Variants in SOX5 observed in about 807,000 individuals in gnomAD.
SOX5 encodes the protein SRY-box transcription factor 5, also known as transcription factor SOX-5.
SOX5 carries 9 observed loss-of-function variants against 92.0 expected under a neutral mutation model. That is an observed-to-expected ratio of 0.10 (90% CI 0.06 to 0.17). SOX5 has a LOEUF of 0.17. Among genes scored for constraint, SOX5 ranks in the 10% least tolerant of loss-of-function variants. SOX5 has a pLI of 1.00. For synonymous variants in SOX5, 344 were observed against 336.3 expected, an observed-to-expected ratio of 1.02 and a Z score of -0.25; for missense variants, 642 against 944.5, an observed-to-expected ratio of 0.68 and a Z score of 4.20.
At chr12:24,153,308 G>A (rs1311313899) in intron 4 of SOX5, among the ~76,000 whole-genome samples, 1 of 152,150 alleles carries the variant, frequency 6.6e-6, no homozygotes, top group African/African-American at 2.4e-5. Context: ...CATTCTGGGA[G>A]AAGGAGGGGG....
chr12:23,922,408 C>T (rs556627933), intron 1 of SOX5, among the ~76,000 whole-genome samples: 122 of 152,234 alleles, frequency 8.0e-4, no homozygotes, highest in African/African-American at 2.7e-3. Context: ...TATTTTTCTC[C>T]TTTAAATTTA....
intron 4 of SOX5, among the ~76,000 whole-genome samples, chr12:23,960,523 A>ACATATATATT (rs1383553004): frequency 2.9e-5 from 2 of 69,464 alleles, no homozygotes; most frequent in African/African-American, 7.6e-5. Context: ...ACATATATAT[A>ACATATATATT]TATATACATA....
At chr12:24,443,457 T>A (rs7297742) in intron 1 of SOX5, among the ~76,000 whole-genome samples, 8 of 152,026 alleles carry the variant, frequency 5.3e-5, no homozygotes, top group African/African-American at 1.9e-4. Context: ...AAACATAAAC[T>A]GTTCAGCATA....
chr12:23,807,616 T>C (rs1400913893), intron 3 of SOX5, among the ~76,000 whole-genome samples: 3 of 151,442 alleles, frequency 2.0e-5, no homozygotes, highest in Admixed American at 6.6e-5. Context: ...TTCTAGACTC[T>C]AGAACTGTGA....
At chr12:24,324,487 CT>C (rs796197266) in intron 2 of SOX5, among the ~76,000 whole-genome samples, 389 of 146,972 alleles carry the variant, frequency 2.6e-3, no homozygotes, top group Middle Eastern at 3.5e-3. Flanking sequence ...ACATTTATTC[CT>C]TTTTTTTTTT....
chr12:23,561,568 G>A (rs1365852601), intron 11 of SOX5, among the ~76,000 whole-genome samples: 1 of 152,118 alleles, frequency 6.6e-6, no homozygotes, highest in African/African-American at 2.4e-5. Context: ...TGACTGATCT[G>A]TAACCACAGC....
intron 11 of SOX5, among the ~76,000 whole-genome samples, 178 bp from the exon 12 acceptor site, chr12:23,546,602 T>C (rs1053569497): frequency 6.6e-6 from 1 of 152,168 alleles, no homozygotes; most frequent in Non-Finnish European, 1.5e-5. Context: ...AGCACGATTT[T>C]TGAAGGAACT....
At chr12:24,522,310 A>C (rs1297404214) in intron 1 of SOX5, among the ~76,000 whole-genome samples, 1 of 152,174 alleles carries the variant, frequency 6.6e-6, no homozygotes, top group Middle Eastern at 3.4e-3. Context: ...CTAGGATCTG[A>C]CGGTTTCACT....
At chr12:24,371,811 A>G (rs993152212) in intron 1 of SOX5, among the ~76,000 whole-genome samples, 1 of 152,274 alleles carries the variant, frequency 6.6e-6, no homozygotes, top group Non-Finnish European at 1.5e-5. Context: ...AACATGATGA[A>G]ACCTCATCTC....
chr12:24,437,204 G>A (rs1939607760), intron 1 of SOX5, among the ~76,000 whole-genome samples: 1 of 152,012 alleles, frequency 6.6e-6, no homozygotes, highest in South Asian at 2.1e-4. Context: ...AATATATTTT[G>A]TAATAAGCAA....
At chr12:24,216,674 G>A (rs1465363669) in intron 3 of SOX5, among the ~76,000 whole-genome samples, 5 of 152,146 alleles carry the variant, frequency 3.3e-5, no homozygotes, top group African/African-American at 1.2e-4. Flanking sequence ...TGTAATCCCA[G>A]CACTTTGGGA....
chr12:24,418,699 A>C (rs1345423124), intron 1 of SOX5, among the ~76,000 whole-genome samples: 2 of 152,220 alleles, frequency 1.3e-5, no homozygotes, highest in African/African-American at 4.8e-5. Flanking sequence ...GTTATGTGAA[A>C]TATTACCTTT....
chr12:24,016,187 C>T (rs1420669860), intron 4 of SOX5, among the ~76,000 whole-genome samples: 1 of 152,082 alleles, frequency 6.6e-6, no homozygotes, highest in East Asian at 1.9e-4. Flanking sequence ...AGGTACCTAC[C>T]CTCGTGCCTT....
chr12:23,876,986 G>A (rs1040535185), intron 2 of SOX5, among the ~76,000 whole-genome samples: 1 of 152,010 alleles, frequency 6.6e-6, no homozygotes, highest in Non-Finnish European at 1.5e-5. Context: ...ACACACTGGG[G>A]CCTTTTGGGG....
chr12:24,320,397 C>T (rs562078001), intron 2 of SOX5, among the ~76,000 whole-genome samples: 1 of 152,292 alleles, frequency 6.6e-6, no homozygotes, highest in African/African-American at 2.4e-5. Flanking sequence ...GTAACGATGT[C>T]ACACTAAATT....
intron 4 of SOX5, among the ~76,000 whole-genome samples, chr12:24,055,914 C>T (rs762195095): frequency 6.6e-6 from 1 of 152,166 alleles, no homozygotes; most frequent in Non-Finnish European, 1.5e-5. Flanking sequence ...GCCTACATTA[C>T]TTATCAATTA....
intron 6 of SOX5, among the ~76,000 whole-genome samples, chr12:23,706,859 T>C (rs561101059): frequency 4.4e-4 from 67 of 152,186 alleles, no homozygotes; most frequent in African/African-American, 1.6e-3. Flanking sequence ...TCCAACGTTA[T>C]TATAAACAAA....
At chr12:24,251,942 C>T (rs1940152238) in intron 3 of SOX5, among the ~76,000 whole-genome samples, 1 of 86,248 alleles carries the variant, frequency 1.2e-5, no homozygotes, top group Admixed American at 1.6e-4. Context: ...CATCACAAAC[C>T]CAGTTATTAA....
intron 2 of SOX5, among the ~76,000 whole-genome samples, chr12:24,278,450 C>A (rs553155830): frequency 6.6e-6 from 1 of 152,214 alleles, no homozygotes; most frequent in Non-Finnish European, 1.5e-5. Context: ...TGATGACTCA[C>A]GCCTGTAATC....
Sources: gnomAD v4.1 joint callset for allele counts (sites outside exome capture counted in the v4.1 genomes callset) on GRCh38, gnomAD v4.1.1 for gene constraint, MANE v1.5 for transcripts, NCBI Gene and HGNC (gene_info 2026-07-23, HGNC 2026-07-21) for gene names.